AHCY: variants seen among roughly 807,000 people sequenced by gnomAD.
The protein encoded by AHCY is adenosylhomocysteinase, also known as S-adenosyl-L-homocysteine hydrolase.
In AHCY, 24 loss-of-function variants were observed where a neutral mutation model predicts 45.4. That is an observed-to-expected ratio of 0.53 (90% CI 0.38 to 0.74). The LOEUF is 0.74. Among genes scored for constraint, AHCY ranks in the 30% least tolerant of loss-of-function variants. The pLI, the probability that AHCY is intolerant of heterozygous loss-of-function variation, is 0.00. For synonymous variants in AHCY, 245 were observed against 235.1 expected (o/e 1.04, Z -0.39); for missense variants, 449 against 594.1 (o/e 0.76, Z 2.54).
At chr20:34,300,823 G>A (rs1432301298) in intron 1 of AHCY, among the ~76,000 whole-genome samples, 2 of 152,188 alleles carry the variant, frequency 1.3e-5, no homozygotes, top group Non-Finnish European at 2.9e-5. Flanking sequence ...GACCTGCAAG[G>A]AGAGAGACCA....
intron 1 of AHCY, among the ~76,000 whole-genome samples, chr20:34,297,382 C>T (rs1247270303): frequency 2.6e-5 from 4 of 152,100 alleles, no homozygotes; most frequent in Non-Finnish European, 4.4e-5. Flanking sequence ...ACCTCCACCT[C>T]TCAGGTCCCG....
chr20:34,276,228 A>G (rs1427526833), downstream of AHCY, among the ~76,000 whole-genome samples: 3 of 152,308 alleles, frequency 2.0e-5, no homozygotes, highest in Non-Finnish European at 4.4e-5. Context: ...GTTAAAATGC[A>G]CACTATAAGG....
At chr20:34,261,523 A>G in the AHCY span, among the ~76,000 whole-genome samples, 1 of 152,168 alleles carries the variant, frequency 6.6e-6, no homozygotes, top group Non-Finnish European at 1.5e-5. Context: ...AGTCCTAGCT[A>G]CTTGGGAGGC....
chr20:34,232,447 C>A, the AHCY span, among the ~76,000 whole-genome samples: 1 of 152,114 alleles, frequency 6.6e-6, no homozygotes, highest in African/African-American at 2.4e-5. Flanking sequence ...AGGTTGGAAC[C>A]AAATCCGTCC....
At chr20:34,270,345 A>G in the AHCY span, among the ~76,000 whole-genome samples, 1 of 152,116 alleles carries the variant, frequency 6.6e-6, no homozygotes, top group African/African-American at 2.4e-5. Context: ...AGAAACAAAC[A>G]CACACACCCC....
At chr20:34,277,679 T>C (rs748611722), downstream of AHCY, among the ~76,000 whole-genome samples, 3 of 132,446 alleles carry the variant, frequency 2.3e-5, no homozygotes, top group Admixed American at 9.8e-5. Context: ...GGCGTGAACC[T>C]GGGAGGCGGA....
chr20:34,233,143 CTT>C, the AHCY span, among the ~76,000 whole-genome samples: 284 of 100,294 alleles, frequency 2.8e-3, 1 homozygote, highest in East Asian at 0.041. Flanking sequence ...GGGACAAGAG[CTT>C]TTTTTTTTTT....
chr20:34,279,201 T>G (rs1164379423), downstream of AHCY, among the ~76,000 whole-genome samples: 4 of 146,550 alleles, frequency 2.7e-5, no homozygotes, highest in Non-Finnish European at 4.5e-5. Context: ...GATCACGAGG[T>G]CAGGAGATCG....
intron 3 of AHCY, chr20:34,293,435 T>C (rs1351291171): frequency 1.9e-5 from 3 of 161,268 alleles, no homozygotes; most frequent in Non-Finnish European, 4.1e-5. Flanking sequence ...CACTCCAGTA[T>C]GGGCAACGGG....
At position 34,295,410 on chromosome 20, in the gene AHCY, G is replaced by A. The variant is rs771572873; in HGVS notation, c.204C>T (p.Val68=). The part of the protein sequence containing the change: ...VETAVLIETL[V]TLGAEVQWSS... ...TGGGCCTCACCTCAGCACCCAGGGT[G>A]ACGAGGGTCTCAATGAGGACGGCCG... The change falls in exon 2 of 10, where the codon GTC becomes GTT. Residue 68 remains valine, a synonymous_variant. Coordinates refer to ENST00000217426, the MANE Select transcript of AHCY (RefSeq NM_000687.4). 3.1e-6 allele frequency: 5 copies of A among 1,613,922 alleles called. No homozygotes were observed. In the Admixed American group the frequency reaches 8.3e-5, roughly 27 times the overall value.
intron 5 of AHCY, 104 bp downstream of exon 5, chr20:34,291,315 G>A (rs2036383505): frequency 1.8e-6 from 2 of 1,096,130 alleles, no homozygotes; most frequent in Non-Finnish European, 2.8e-6. Context: ...CCTCAAATGA[G>A]GGCTTCATGT....
At chr20:34,259,344 CTT>C in the AHCY span, among the ~76,000 whole-genome samples, 1 of 151,920 alleles carries the variant, frequency 6.6e-6, no homozygotes, top group Non-Finnish European at 1.5e-5. Flanking sequence ...GAAATCCCGT[CTT>C]TACTAAAAAT....
chr20:34,244,833 T>C, the AHCY span, among the ~76,000 whole-genome samples: 1 of 152,298 alleles, frequency 6.6e-6, no homozygotes, highest in South Asian at 2.1e-4. Context: ...AGGGTGGACT[T>C]TGTAACAACA....
chr20:34,248,458 G>T, the AHCY span, among the ~76,000 whole-genome samples: 1 of 152,154 alleles, frequency 6.6e-6, no homozygotes, highest in Admixed American at 6.6e-5. Context: ...GGAAATCATT[G>T]TCTATTTTCA....
the AHCY span, chr20:34,234,739 A>G: frequency 6.6e-6 from 1 of 152,158 alleles, no homozygotes; most frequent in Non-Finnish European, 1.5e-5. Flanking sequence ...ATTTGAACCC[A>G]GGAGGCAGAG....
At chr20:34,284,284 C>A (rs1248150576) in intron 9 of AHCY, among the ~76,000 whole-genome samples, 1 of 152,130 alleles carries the variant, frequency 6.6e-6, no homozygotes, top group Non-Finnish European at 1.5e-5. Context: ...CTCAGCTTCC[C>A]AAGTACCTGG....
At chr20:34,261,682 G>T in the AHCY span, among the ~76,000 whole-genome samples, 1 of 151,984 alleles carries the variant, frequency 6.6e-6, no homozygotes, top group African/African-American at 2.4e-5. Context: ...CATGCCTATG[G>T]TTCCAGCTAT....
At chr20:34,300,611 G>C (rs2036737725) in intron 1 of AHCY, among the ~76,000 whole-genome samples, 1 of 152,194 alleles carries the variant, frequency 6.6e-6, no homozygotes, top group South Asian at 2.1e-4. Flanking sequence ...CTGGAAACAG[G>C]AAAGAACCTA....
At chr20:34,247,403 C>T in the AHCY span, among the ~76,000 whole-genome samples, 1 of 150,210 alleles carries the variant, frequency 6.7e-6, no homozygotes, top group Admixed American at 6.7e-5. Context: ...CGGGTTCAAG[C>T]GATTCTCCTG....
Sources: allele counts gnomAD v4.1 joint callset (sites outside exome capture counted in the v4.1 genomes callset), GRCh38; gene constraint gnomAD v4.1.1; transcripts MANE v1.5; gene names NCBI Gene and HGNC (gene_info 2026-07-23, HGNC 2026-07-21).